Variants in STIL observed in about 807,000 individuals in gnomAD.
STIL encodes the protein SCL-interrupting locus protein.
STIL carries 55 observed loss-of-function variants against 110.1 expected under a neutral mutation model. That is an observed-to-expected ratio of 0.50 (90% CI 0.40 to 0.63). The LOEUF is 0.63. Ranked by LOEUF, STIL falls within the 20% of genes least tolerant of loss-of-function variation. The pLI is 0.00. For missense variants in STIL, 1,358 were observed against 1,530.0 expected (o/e 0.89, Z 1.87); for synonymous variants, 481 against 530.0 (o/e 0.91, Z 1.27).
chr1:47,254,823 C>T (rs990174685), intron 16 of STIL, among the ~76,000 whole-genome samples: 2 of 152,182 alleles, frequency 1.3e-5, no homozygotes, highest in African/African-American at 2.4e-5. Context: ...GCATGAGACA[C>T]CATGCCCAGC....
intron 15 of STIL, 42 bp downstream of exon 15, chr1:47,262,861 A>C: frequency 1.3e-6 from 2 of 1,587,608 alleles, no homozygotes; most frequent in South Asian, 2.2e-5. Flanking sequence ...TCCTATACTA[A>C]ATAACCTTCT....
chr1:47,300,782 A>G (rs992419393), intron 5 of STIL, among the ~76,000 whole-genome samples: 14 of 152,154 alleles, frequency 9.2e-5, no homozygotes, highest in East Asian at 7.7e-4. Context: ...ATTCCGATTG[A>G]GCCTCAGAGA....
intron 1 of STIL, among the ~76,000 whole-genome samples, chr1:47,311,922 C>T (rs1384052580): frequency 6.6e-6 from 1 of 151,984 alleles, no homozygotes; most frequent in East Asian, 1.9e-4. Flanking sequence ...TGGTGCACAC[C>T]TGTAATCCCA....
At chr1:47,302,983 A>G (rs535969027) in intron 3 of STIL, among the ~76,000 whole-genome samples, 1 of 152,260 alleles carries the variant, frequency 6.6e-6, no homozygotes, top group South Asian at 2.1e-4. Context: ...TAAAGGGGGG[A>G]AACTACTGTA....
chr1:47,270,247 TATATATATACAC>T (rs1454806596), intron 13 of STIL, among the ~76,000 whole-genome samples: 2 of 97,784 alleles, frequency 2.0e-5, no homozygotes, highest in African/African-American at 8.9e-5. Context: ...AAAAAATATA[TATATATATACAC>T]ACACACACAC....
chr1:47,265,260 A>AAAAAAAC (rs1553170532), intron 14 of STIL, among the ~76,000 whole-genome samples: 3 of 148,412 alleles, frequency 2.0e-5, no homozygotes, highest in East Asian at 2.0e-4. Context: ...AAAAAAAAAA[A>AAAAAAAC]CACAAGATTG....
intron 6 of STIL, among the ~76,000 whole-genome samples, chr1:47,299,033 C>CTTTTG (rs564792490): frequency 7.0e-6 from 1 of 142,212 alleles, no homozygotes; most frequent in African/African-American, 2.6e-5. Context: ...TTTACCACCA[C>CTTTTG]TTTTTTTTTT....
At chr1:47,292,029 G>T (rs1434092484) in intron 8 of STIL, among the ~76,000 whole-genome samples, 11 of 138,020 alleles carry the variant, frequency 8.0e-5, no homozygotes, top group African/African-American at 7.9e-5. Context: ...CTTGTTTTTT[G>T]TTTTTTTTTT....
At chr1:47,288,747 TAAAAATAATACAGTCATGGTC>T (rs1011598839) in intron 9 of STIL, among the ~76,000 whole-genome samples, 6 of 151,502 alleles carry the variant, frequency 4.0e-5, no homozygotes, top group African/African-American at 1.5e-4. Context: ...CCACACATTT[TAAAAATAATACAGTCATGGTC>T]AGGTGCAGTG....
At chr1:47,277,036 T>C (rs77174668) in intron 12 of STIL, among the ~76,000 whole-genome samples, 1,574 of 152,184 alleles carry the variant, frequency 0.01, 35 homozygotes, top group African/African-American at 0.036. Flanking sequence ...TAAGCAACGA[T>C]TACACATCAA....
intron 2 of STIL, 132 bp downstream of exon 2, chr1:47,310,144 C>A: frequency 8.0e-6 from 6 of 752,448 alleles, no homozygotes; most frequent in African/African-American, 1.8e-5. Flanking sequence ...ACCCACCTAA[C>A]AAGTGGTAGA....
Position 47,251,320 on chromosome 1 carries a change from G to A in STIL, c.3683C>T (p.Ala1228Val). ...TGCTTTCCCGGTTCGAAGGTTCACT[G>A]CAGGACTTGGTTTAAGGTTCTTTAC... ...FLVKNLKPSP[A>V]VNLRTGKAEF... The change falls in exon 17 of 17, where the codon GCA becomes GTA. Residue 1228 changes from alanine (A) to valine (V), a missense_variant. Coordinates refer to ENST00000371877, the MANE Select transcript of STIL (RefSeq NM_001048166.1). The A allele has an allele frequency of 6.2e-7, 1 of 1,614,162 alleles. No homozygotes were observed. Among genetic ancestry groups the A allele is most frequent in the Non-Finnish European group, 8.5e-7 (1 of 1,180,032 alleles).
At chr1:47,313,976 C>T (rs1646215921) in intron 1 of STIL, 60 bp downstream of exon 1, 1 of 152,412 alleles carries the variant, frequency 6.6e-6, no homozygotes, top group African/African-American at 2.4e-5. Flanking sequence ...ACCCACCAAC[C>T]TTCCCAGGGC....
intron 7 of STIL, among the ~76,000 whole-genome samples, chr1:47,294,556 G>C (rs949309689): frequency 6.6e-5 from 10 of 152,196 alleles, no homozygotes; most frequent in African/African-American, 2.2e-4. Flanking sequence ...GTGATGGCCG[G>C]TGCCTGTAGT....
chr1:47,300,846 T>C (rs931382770), intron 5 of STIL, among the ~76,000 whole-genome samples: 2 of 152,194 alleles, frequency 1.3e-5, no homozygotes. Context: ...ATTGTCAAGT[T>C]AGTTCTCCCT....
chr1:47,277,392 T>C (rs1645023991), intron 12 of STIL, among the ~76,000 whole-genome samples: 1 of 152,180 alleles, frequency 6.6e-6, no homozygotes, highest in Non-Finnish European at 1.5e-5. Context: ...TGGATTTTAT[T>C]CTAATTGCAA....
At chr1:47,265,847 C>T (rs1162817168) in intron 14 of STIL, among the ~76,000 whole-genome samples, 3 of 149,070 alleles carry the variant, frequency 2.0e-5, no homozygotes, top group Admixed American at 6.7e-5. Context: ...AGTGCAGTGG[C>T]GTGATCACAG....
chr1:47,289,061 CAAAAAAAA>C (rs371944423), intron 9 of STIL, among the ~76,000 whole-genome samples: 1 of 83,476 alleles, frequency 1.2e-5, no homozygotes, highest in African/African-American at 4.8e-5. Context: ...GATTCCATCT[CAAAAAAAA>C]AAAAAAAAAA....
At chr1:47,266,746 A>C (rs1166362624) in intron 14 of STIL, among the ~76,000 whole-genome samples, 1 of 152,212 alleles carries the variant, frequency 6.6e-6, no homozygotes, top group African/African-American at 2.4e-5. Flanking sequence ...TAGTTTATTA[A>C]TCAGTTAGTA....
Sources: gnomAD v4.1 joint callset for allele counts (sites outside exome capture counted in the v4.1 genomes callset) on GRCh38, gnomAD v4.1.1 for gene constraint, MANE v1.5 for transcripts, NCBI Gene and HGNC (gene_info 2026-07-23, HGNC 2026-07-21) for gene names.